The following SNX29 variants were observed in gnomAD, a reference collection of about 807,000 sequenced individuals.
The protein encoded by SNX29 is sorting nexin 29, also known as sorting nexin-29.
Under a neutral mutation model 102.1 loss-of-function variants are expected in SNX29, and 78 were observed. The ratio of observed to expected loss-of-function variants is 0.76; its 90% confidence interval spans 0.64 to 0.92. SNX29 has a LOEUF of 0.92. SNX29 is among the 40% of genes least tolerant of loss of function. The probability of loss-of-function intolerance (pLI) is 0.00; values close to 1 mark genes in which losing one functional copy is unlikely to be tolerated. For missense variants in SNX29, 1,280 were observed against 1,061.7 expected (o/e 1.21, Z -2.86); for synonymous variants, 580 against 414.5 (o/e 1.40, Z -4.85).
At chr16:12,563,604 C>T (rs1007466163) in intron 20 of SNX29, among the ~76,000 whole-genome samples, 1 of 89,280 alleles carries the variant, frequency 1.1e-5, no homozygotes, top group African/African-American at 3.2e-5. Flanking sequence ...GTCTGTATCA[C>T]CACATCTCAC....
chr16:12,215,930 G>C (rs1402396549), intron 14 of SNX29, among the ~76,000 whole-genome samples: 3 of 152,262 alleles, frequency 2.0e-5, no homozygotes, highest in East Asian at 1.9e-4. Context: ...GGCCCATCAG[G>C]AGTGGTGCGT....
chr16:12,216,155 A>G (rs2077317569), intron 14 of SNX29, among the ~76,000 whole-genome samples: 1 of 152,272 alleles, frequency 6.6e-6, no homozygotes, highest in Non-Finnish European at 1.5e-5. Flanking sequence ...TATTCATTAT[A>G]GAAAATTAAA....
rs778759629 is a variant in SNX29, at chr16:12,458,429, C to CT, written c.2038-19289dup. Among the ~76,000 whole-genome samples the CT allele has an allele frequency of 6.6e-5, 10 of 152,220 alleles. No individual in the cohort carries two copies. In the East Asian group the frequency reaches 1.3e-3, roughly 21 times the overall value. On this transcript the variant is annotated intron_variant, in intron 18 of 20. Coordinates refer to ENST00000566228, the MANE Select transcript of SNX29 (RefSeq NM_032167.5). ...ATCAAACGCGAGCCCTATGCAGACA[C>CT]TGAGTGGTCTTGCTTCTGTGGCTGC...
intron 19 of SNX29, among the ~76,000 whole-genome samples, chr16:12,506,308 C>T (rs986929253): frequency 6.6e-6 from 1 of 152,008 alleles, no homozygotes; most frequent in South Asian, 2.1e-4. Flanking sequence ...GGGACAACAC[C>T]CTAAAAAAAA....
At chr16:12,541,801 G>C (rs749164260) in intron 20 of SNX29, among the ~76,000 whole-genome samples, 5 of 152,136 alleles carry the variant, frequency 3.3e-5, no homozygotes, top group African/African-American at 4.8e-5. Flanking sequence ...GAAAGGTTCA[G>C]AGGGCAGGAA....
intron 19 of SNX29, among the ~76,000 whole-genome samples, chr16:12,492,488 C>G (rs556250444): frequency 6.6e-6 from 1 of 152,142 alleles, no homozygotes; most frequent in African/African-American, 2.4e-5. Context: ...GTTGCCTGTT[C>G]ACTCTGATGG....
intron 20 of SNX29, among the ~76,000 whole-genome samples, chr16:12,561,683 A>G (rs1324779114): frequency 6.6e-6 from 1 of 151,854 alleles, no homozygotes; most frequent in Admixed American, 6.6e-5. Context: ...TCACACACAG[A>G]CCCCCTTTTC....
intron 20 of SNX29, among the ~76,000 whole-genome samples, chr16:12,536,142 G>A (rs770341374): frequency 2.0e-5 from 3 of 152,268 alleles, no homozygotes; most frequent in Admixed American, 6.5e-5. Context: ...GCTGGCACTC[G>A]CCTGTGAGCG....
At position 12,572,108 on chromosome 16, in the gene SNX29, G is replaced by T. The variant is rs866794763; in HGVS notation, c.*3479G>T. 8 of 1,050,780 alleles carry T rather than the reference G, an allele frequency of 7.6e-6. No homozygotes were observed. The East Asian group carries it at 3.0e-4, about 40-fold the overall frequency. 65.1% of individuals were successfully genotyped at this position (1,050,780 alleles called of 1,614,324 possible). On this transcript the variant is annotated 3_prime_UTR_variant, in exon 21 of 21. Coordinates refer to ENST00000566228, the MANE Select transcript of SNX29 (RefSeq NM_032167.5). ...AAGGGGAGGGATGTGGACTGGGTCTGATCACAGCCCTTGGCCCTGCTTCAT... is the reference window on the plus strand; with the variant it reads ...AAGGGGAGGGATGTGGACTGGGTCTTATCACAGCCCTTGGCCCTGCTTCAT...
rs2089711281 is a variant in SNX29 at position 12,513,220 on chromosome 16, G to A, written c.2179-11482G>A. 4.1e-5 allele frequency among the ~76,000 whole-genome samples: 6 copies of A among 145,512 alleles called. No individual in the cohort carries two copies. The South Asian group carries it at 1.3e-3, about 32-fold the overall frequency. ...TCCCTTGCCCTGCCCTACTGTGCCT[G>A]CCTTTCTCCTGCCCTGCTTGTTTTC... On this transcript the variant is annotated intron_variant, in intron 19 of 20. Transcript: ENST00000566228.
At chr16:12,259,932 G>A (rs962115590) in intron 14 of SNX29, among the ~76,000 whole-genome samples, 1 of 151,662 alleles carries the variant, frequency 6.6e-6, no homozygotes, top group Non-Finnish European at 1.5e-5. Flanking sequence ...CTAATCCCCC[G>A]CTGCCTCTGC....
intron 14 of SNX29, among the ~76,000 whole-genome samples, chr16:12,224,636 G>A (rs536430028): frequency 6.6e-6 from 1 of 152,350 alleles, no homozygotes; most frequent in East Asian, 1.9e-4. Context: ...AAAGCTCACT[G>A]AAGAATTCTA....
At chr16:12,566,969 C>G (rs572226966) in intron 20 of SNX29, among the ~76,000 whole-genome samples, 3 of 152,348 alleles carry the variant, frequency 2.0e-5, no homozygotes, top group South Asian at 4.1e-4. Flanking sequence ...GGATCTCACT[C>G]GCACAGTGGC....
At position 12,440,245 on chromosome 16, in the gene SNX29, A is replaced by G. The variant is rs141361909; in HGVS notation, c.2037+36716A>G. ...AAAAGAAAAGAGATATTCACAAACC[A>G]TAAAACTCACCTTTTCAAAGTGTAC... On this transcript the variant is annotated intron_variant, in intron 18 of 20. Transcript: ENST00000566228. Among the ~76,000 whole-genome samples, 10 of 152,278 alleles carry G rather than the reference A, an allele frequency of 6.6e-5. No homozygotes were observed. In the East Asian group the frequency reaches 1.7e-3, roughly 26 times the overall value.
chr16:12,435,888 T>C (rs2085511253), intron 18 of SNX29, among the ~76,000 whole-genome samples: 1 of 152,076 alleles, frequency 6.6e-6, no homozygotes, highest in South Asian at 2.1e-4. Flanking sequence ...AGAGAGGGGA[T>C]GGCAGGAAGC....
At chr16:12,537,985 A>C (rs1003020344) in intron 20 of SNX29, among the ~76,000 whole-genome samples, 2 of 19,658 alleles carry the variant, frequency 1.0e-4, no homozygotes, top group East Asian at 5.3e-3. Context: ...ACTCCGTTTC[A>C]AAAAAAAAAA....
At chr16:12,144,608 C>T (rs2054987978) in intron 13 of SNX29, among the ~76,000 whole-genome samples, 1 of 152,242 alleles carries the variant, frequency 6.6e-6, no homozygotes, top group African/African-American at 2.4e-5. Context: ...GCCCCTTGAT[C>T]GTGGACTTCC....
intron 19 of SNX29, among the ~76,000 whole-genome samples, chr16:12,518,720 C>G (rs2089975172): frequency 6.6e-6 from 1 of 152,200 alleles, no homozygotes; most frequent in Non-Finnish European, 1.5e-5. Flanking sequence ...CAGCACCTGT[C>G]ACAGGCCTGG....
intron 18 of SNX29, among the ~76,000 whole-genome samples, chr16:12,445,798 G>C (rs1045419818): frequency 3.3e-5 from 5 of 152,142 alleles, no homozygotes; most frequent in Admixed American, 3.3e-4. Context: ...GTGCTTTACA[G>C]ATATTAACCA....
Sources: allele counts gnomAD v4.1 joint callset (sites outside exome capture counted in the v4.1 genomes callset), GRCh38; gene constraint gnomAD v4.1.1; transcripts MANE v1.5; gene names NCBI Gene and HGNC (gene_info 2026-07-23, HGNC 2026-07-21).